Variants in HTR1D observed in about 807,000 individuals in gnomAD.
The protein encoded by HTR1D is 5-hydroxytryptamine receptor 1D, also known as 5-HT-1D.
In HTR1D, 18 loss-of-function variants were observed where a neutral mutation model predicts 21.1. The ratio of observed to expected loss-of-function variants is 0.85; its 90% CI spans 0.59 to 1.27. The LOEUF is 1.27. Among genes scored for constraint, HTR1D ranks in the 50% most tolerant of loss-of-function variants. The pLI, the probability that HTR1D is intolerant of heterozygous loss-of-function variation, is 0.00. For missense variants in HTR1D, 456 were observed against 481.4 expected (o/e 0.95, Z 0.49); for synonymous variants, 196 against 204.4 (o/e 0.96, Z 0.35).
chr1:23,193,043 G>C lies in HTR1D; in HGVS notation c.*43C>G. ...AAAAAAAAAAGACAATCCCGATGAGGTTACAGGACACAAAAGATAACAAGA... is the reference window on the plus strand; with the variant it reads ...AAAAAAAAAAGACAATCCCGATGAGCTTACAGGACACAAAAGATAACAAGA... On this transcript the variant is annotated 3_prime_UTR_variant, in exon 2 of 2. Coordinates refer to ENST00000374619, the MANE Select transcript of HTR1D (RefSeq NM_000864.5). 7.5e-7 allele frequency: 1 copy of C among 1,331,230 alleles called. No homozygotes were observed. Among genetic ancestry groups the C allele is most frequent in the South Asian group, 1.4e-5 (1 of 73,374 alleles). The allele number at this position is 1,331,230 out of a possible 1,614,324, so 82.5% of individuals were successfully genotyped here.
chr1:23,192,835 C>CAAA lies in HTR1D; in HGVS notation c.*248_*250dup, dbSNP rs35477602. The CAAA allele has an allele frequency of 4.3e-3, 618 of 143,778 alleles. 1 individual carries two copies. Among genetic ancestry groups the CAAA allele is most frequent in the Middle Eastern group, 9.4e-3 (3 of 320 alleles). 8.9% of individuals were successfully genotyped at this position (143,778 alleles called of 1,614,324 possible). Reference sequence around the variant, plus strand: ...CTGGCGAGAGGGCAAGACTCCGTCTCAAAAAAAAAAAAAAAGAAAGAAAAT... The same window carrying CAAA: ...CTGGCGAGAGGGCAAGACTCCGTCTCAAAAAAAAAAAAAAAAAAGAAAGAAAAT... On this transcript the variant is annotated 3_prime_UTR_variant, in exon 2 of 2. Transcript: ENST00000374619.
intron 1 of HTR1D, among the ~76,000 whole-genome samples, chr1:23,202,330 G>A (rs912234992): frequency 5.4e-4 from 82 of 151,996 alleles, no homozygotes; most frequent in African/African-American, 1.9e-3. Flanking sequence ...TGGCCTCAAG[G>A]GATCTGCCCG....
In HTR1D at chr1:23,193,472, C is replaced by T. The variant is rs140806772; in HGVS notation, c.748G>A (p.Gly250Arg). 120 of 1,613,976 alleles carry T rather than the reference C, an allele frequency of 7.4e-5. No individual in the cohort carries two copies. Among genetic ancestry groups the T allele is most frequent in the Non-Finnish European group, 9.5e-5 (112 of 1,179,986 alleles). Residue 250 changes from glycine to arginine, a missense_variant, in exon 2 of 2, where the codon GGG (glycine) becomes AGG (arginine). Physicochemically the swap from Gly to Arg is moderately radical, Grantham distance 125. Transcript: ENST00000374619. ...GAGTTGAGCGAGCAGAGCGAGGACC[C>T]GGCAGAGCCTGTGATGAGGTGGGCC... Reference protein sequence around the residue: ...TTAHLITGSAGSSLCSLNSSL... With the variant: ...TTAHLITGSARSSLCSLNSSL...
rs1270997442 is a variant in HTR1D at position 23,194,019 on chromosome 1, C to G, written c.201G>C (p.Arg67Ser). The G allele has an allele frequency of 1.9e-6, 3 of 1,614,030 alleles. No individual in the cohort carries two copies. The highest frequency in any genetic ancestry group is 3.3e-5 in the Admixed American group (2 of 59,994). ...AFVLTTILLTRKLHTPANYLI... is the reference protein window; with the variant it reads ...AFVLTTILLTSKLHTPANYLI... ...GGTAGTTGGCAGGGGTGTGGAGCTT[C>G]CTGGTGAGTAAGATGGTGGTGAGTA... The change falls in exon 2 of 2, where the codon AGG becomes AGC. Residue 67 changes from arginine to serine, a missense_variant. By Grantham distance (110) the Arg-to-Ser change is moderately radical. Transcript: ENST00000374619.
At chr1:23,195,031 T>C (rs551712360) in intron 1 of HTR1D, among the ~76,000 whole-genome samples, 30 bp from the exon 2 acceptor site, 46 of 151,928 alleles carry the variant, frequency 3.0e-4, no homozygotes, top group African/African-American at 1.0e-3. Context: ...AAAAATAGAG[T>C]TAGGTTCTAG....
intron 1 of HTR1D, among the ~76,000 whole-genome samples, chr1:23,201,361 C>T (rs920452642): frequency 6.6e-6 from 1 of 152,120 alleles, no homozygotes; most frequent in Non-Finnish European, 1.5e-5. Flanking sequence ...AGAGGAACCA[C>T]CTGTCCTGGG....
chr1:23,212,364 GC>G (rs1054604569), intron 1 of HTR1D, among the ~76,000 whole-genome samples: 53 of 152,268 alleles, frequency 3.5e-4, no homozygotes, highest in African/African-American at 8.9e-4. Flanking sequence ...GAAGCCCAGT[GC>G]CCTGTGTGTG....
intron 1 of HTR1D, among the ~76,000 whole-genome samples, chr1:23,210,730 C>G (rs1644750365): frequency 1.3e-5 from 2 of 152,070 alleles, no homozygotes; most frequent in South Asian, 4.1e-4. Context: ...AGTCTCCCCC[C>G]CAGCTCTCAT....
chr1:23,195,907 C>T (rs1644686921), intron 1 of HTR1D, among the ~76,000 whole-genome samples: 1 of 152,176 alleles, frequency 6.6e-6, no homozygotes, highest in Non-Finnish European at 1.5e-5. Context: ...CAGCTCACTG[C>T]AGCCTCGACC....
rs1033271248 is a variant in HTR1D at position 23,217,472 on chromosome 1, G to T, written c.-964C>A. 1.3e-5 allele frequency among the ~76,000 whole-genome samples: 2 copies of T among 151,884 alleles called. No individual in the cohort carries two copies. Among genetic ancestry groups the T allele is most frequent in the Non-Finnish European group, 2.9e-5 (2 of 67,914 alleles). On this transcript the variant is annotated 5_prime_UTR_variant, in exon 1 of 2. Transcript: ENST00000374619. This position sits in a 1 kb window ranked among gnomAD's most constrained non-coding sequence, Gnocchi z 4.6. ...CCCTCGCGATCCCGCACCTGCCTCCGCCTCTCCCAGAGCCCTGCGGCTCCT... is the reference window on the plus strand; with the variant it reads ...CCCTCGCGATCCCGCACCTGCCTCCTCCTCTCCCAGAGCCCTGCGGCTCCT...
intron 1 of HTR1D, among the ~76,000 whole-genome samples, chr1:23,202,992 G>A (rs1314688397): frequency 6.6e-6 from 1 of 151,962 alleles, no homozygotes; most frequent in Non-Finnish European, 1.5e-5. Context: ...TCGGCTCAAT[G>A]CTACCTCCGC....
At position 23,202,000 on chromosome 1, in the gene HTR1D, G is replaced by A. The variant is rs1414345559; in HGVS notation, c.-782-6999C>T. ...TTGTGATGCGGCTTCAATGAAGTAG[G>A]GAGAACATGCCTAGCACAGTGGCTG... On this transcript the variant is annotated intron_variant, in intron 1 of 1. Coordinates refer to ENST00000374619, the MANE Select transcript of HTR1D (RefSeq NM_000864.5). Among the ~76,000 whole-genome samples, 9 of 152,140 alleles carry A rather than the reference G, an allele frequency of 5.9e-5. No individual in the cohort carries two copies. The East Asian group carries it at 1.7e-3, about 29-fold the overall frequency.
chr1:23,211,168 C>T (rs1486943675), intron 1 of HTR1D, among the ~76,000 whole-genome samples: 4 of 152,192 alleles, frequency 2.6e-5, no homozygotes. Flanking sequence ...GTTTTTCTAG[C>T]TTTGTGACCT....
At chr1:23,197,050 T>C (rs1244497541) in intron 1 of HTR1D, among the ~76,000 whole-genome samples, 1 of 152,194 alleles carries the variant, frequency 6.6e-6, no homozygotes, top group East Asian at 1.9e-4. Context: ...AGGTGCGTCA[T>C]TTCCCAAGGA....
At chr1:23,204,012 A>G (rs1282480109) in intron 1 of HTR1D, among the ~76,000 whole-genome samples, 3 of 152,202 alleles carry the variant, frequency 2.0e-5, no homozygotes, top group Non-Finnish European at 2.9e-5. Context: ...GCGCTTGCCT[A>G]CTGCCATGTA....
chr1:23,197,125 C>A (rs1368423240), intron 1 of HTR1D, among the ~76,000 whole-genome samples: 1 of 152,100 alleles, frequency 6.6e-6, no homozygotes. Flanking sequence ...TTCCAGTGAC[C>A]TAATTTCAGT....
At chr1:23,212,458 G>C (rs1428180969) in intron 1 of HTR1D, among the ~76,000 whole-genome samples, 1 of 152,062 alleles carries the variant, frequency 6.6e-6, no homozygotes, top group Non-Finnish European at 1.5e-5. Context: ...ACTGAAACTT[G>C]TCCTCCTCCT....
At chr1:23,208,691 A>T (rs1644742010) in intron 1 of HTR1D, among the ~76,000 whole-genome samples, 1 of 152,168 alleles carries the variant, frequency 6.6e-6, no homozygotes, top group South Asian at 2.1e-4. Flanking sequence ...GGGTGGGGGA[A>T]ATGAATTAGT....
At chr1:23,210,603 A>C (rs1031839917) in intron 1 of HTR1D, among the ~76,000 whole-genome samples, 1 of 152,074 alleles carries the variant, frequency 6.6e-6, no homozygotes. Flanking sequence ...GGCTGAGACC[A>C]AGTCTTCAGA....
Sources: gnomAD v4.1 joint callset for allele counts (sites outside exome capture counted in the v4.1 genomes callset) on GRCh38, gnomAD v4.1.1 for gene constraint, Gnocchi (gnomAD v3.1) non-coding constraint, MANE v1.5 for transcripts, NCBI Gene and HGNC (gene_info 2026-07-23, HGNC 2026-07-21) for gene names.